SPON1: variants seen among roughly 807,000 people sequenced by gnomAD.
The protein encoded by SPON1 is spondin 1.
A neutral mutation model predicts 111.7 loss-of-function variants in SPON1; 52 were observed. That is an observed-to-expected ratio of 0.47 (90% CI 0.37 to 0.59). SPON1 has a LOEUF of 0.59. Among genes scored for constraint, SPON1 ranks in the 20% least tolerant of loss-of-function variants. The probability of loss-of-function intolerance (pLI) is 0.00; values close to 1 mark genes in which losing one functional copy is unlikely to be tolerated. For missense variants in SPON1, 957 were observed against 1,068.5 expected (o/e 0.90, Z 1.46); for synonymous variants, 410 against 395.8 (o/e 1.04, Z -0.43).
At chr11:14,117,566 G>A (rs1255459907) in intron 5 of SPON1, among the ~76,000 whole-genome samples, 1 of 152,032 alleles carries the variant, frequency 6.6e-6, no homozygotes, top group African/African-American at 2.4e-5. Flanking sequence ...TAATTTACTG[G>A]ATATAGAGTT....
chr11:14,260,862 G>A lies in SPON1; in HGVS notation c.1996+110G>A, dbSNP rs185863624. 4.2e-3 allele frequency: 5,372 copies of A among 1,277,284 alleles called. 29 individuals carry two copies. Among genetic ancestry groups the A allele is most frequent in the Middle Eastern group, 0.021 (99 of 4,610 alleles). The allele number at this position is 1,277,284 out of a possible 1,614,324, so 79.1% of individuals were successfully genotyped here. On this transcript the variant is annotated intron_variant, in intron 14 of 15. Transcript: ENST00000576479. ...GATCCTAGAATAACATGGTTTGCTG[G>A]GGAAGAGTTTGGGGTTTGGCTTTCA...
At chr11:14,118,149 T>C (rs1849280031) in intron 5 of SPON1, among the ~76,000 whole-genome samples, 1 of 152,232 alleles carries the variant, frequency 6.6e-6, no homozygotes, top group Non-Finnish European at 1.5e-5. Flanking sequence ...CGAAGTTGTT[T>C]ACTGCTCCTG....
chr11:14,172,968 G>T (rs1320141200), intron 6 of SPON1, among the ~76,000 whole-genome samples: 1 of 151,752 alleles, frequency 6.6e-6, no homozygotes, highest in Non-Finnish European at 1.5e-5. Context: ...ACAATTATGT[G>T]TCTTGGAGTT....
Position 14,227,333 on chromosome 11 carries a change from C to T in SPON1, c.826-15999C>T, listed in dbSNP as rs117459287. On this transcript the variant is annotated intron_variant, in intron 6 of 15. Coordinates refer to ENST00000576479, the MANE Select transcript of SPON1 (RefSeq NM_006108.4). ...GCTTTATTTCATTTATTAAGTGGTC[C>T]CTAAATGTAAGATTCCCTGAATTTA... 9.2e-3 allele frequency among the ~76,000 whole-genome samples: 1,404 copies of T among 152,270 alleles called. 7 individuals are homozygous for T. The highest frequency in any genetic ancestry group is 0.027 in the Middle Eastern group (8 of 294).
intron 6 of SPON1, among the ~76,000 whole-genome samples, chr11:14,190,722 C>A (rs1446126398): frequency 6.6e-6 from 1 of 151,046 alleles, no homozygotes; most frequent in African/African-American, 2.4e-5. Flanking sequence ...CTCACTGCAA[C>A]CTCCACCTCC....
chr11:14,231,182 T>G (rs7951630), intron 6 of SPON1, among the ~76,000 whole-genome samples: 124,774 of 150,646 alleles, frequency 0.83, 51,780 homozygotes, highest in East Asian at 0.9. Flanking sequence ...CACCCAGGCT[T>G]GAGAGCAGTG....
chr11:14,161,662 CA>C, intron 6 of SPON1, among the ~76,000 whole-genome samples: 1 of 151,870 alleles, frequency 6.6e-6, no homozygotes, highest in Non-Finnish European at 1.5e-5. Flanking sequence ...TTATCAAACA[CA>C]AAGCCTATTT....
At chr11:14,141,849 T>C (rs1847660324) in intron 6 of SPON1, among the ~76,000 whole-genome samples, 1 of 152,232 alleles carries the variant, frequency 6.6e-6, no homozygotes, top group Admixed American at 6.5e-5. Context: ...CTATGATTCA[T>C]GACATGCTGC....
At chr11:13,963,952 G>A (rs1472317667) in intron 1 of SPON1, among the ~76,000 whole-genome samples, 5 of 152,178 alleles carry the variant, frequency 3.3e-5, no homozygotes, top group Admixed American at 6.5e-5. Flanking sequence ...CCGGCAGCTC[G>A]GAGTCTCCAC....
At chr11:14,149,004 A>T (rs1554929636) in intron 6 of SPON1, among the ~76,000 whole-genome samples, 1 of 152,210 alleles carries the variant, frequency 6.6e-6, no homozygotes, top group Non-Finnish European at 1.5e-5. Flanking sequence ...ATTATAATGG[A>T]GCTAAAAATT....
Position 14,259,873 on chromosome 11 carries a change from C to CA in SPON1, c.1831+174dup, listed in dbSNP as rs1318972916. 6.6e-6 allele frequency among the ~76,000 whole-genome samples: 1 copy of CA among 152,208 alleles called. No homozygotes were observed. Among genetic ancestry groups the CA allele is most frequent in the Non-Finnish European group, 1.5e-5 (1 of 68,024 alleles). On this transcript the variant is annotated intron_variant, in intron 13 of 15. Coordinates refer to ENST00000576479, the MANE Select transcript of SPON1 (RefSeq NM_006108.4). This position sits in a 1 kb window ranked among gnomAD's most constrained non-coding sequence, Gnocchi z 5.0. The stretch of plus-strand genomic sequence containing the variant: ...ATGAGAGACATAGGTGTGTAGACAT[C>CA]AACCAGACCCAGAGAGAGTAACCTC...
At chr11:14,130,524 T>C (rs1847516696) in intron 5 of SPON1, among the ~76,000 whole-genome samples, 1 of 152,108 alleles carries the variant, frequency 6.6e-6, no homozygotes, top group East Asian at 1.9e-4. Flanking sequence ...AGTTAAATCT[T>C]TTGAAATTGA....
chr11:14,193,808 A>G (rs1391604864), intron 6 of SPON1, among the ~76,000 whole-genome samples: 1 of 152,210 alleles, frequency 6.6e-6, no homozygotes, highest in African/African-American at 2.4e-5. Flanking sequence ...AGGAGGGCTC[A>G]TGGCAGGGCC....
At chr11:14,263,055 A>T (rs1446073883) in intron 15 of SPON1, 80 bp downstream of exon 15, 51 of 262,584 alleles carry the variant, frequency 1.9e-4, no homozygotes, top group South Asian at 6.8e-4. Flanking sequence ...GACCTGTTTA[A>T]AAAAAAAAAA....
intron 5 of SPON1, among the ~76,000 whole-genome samples, chr11:14,122,172 T>A (rs10832185): frequency 0.78 from 118,278 of 151,902 alleles, 46,857 homozygotes; most frequent in African/African-American, 0.93. Context: ...AAATATTTTT[T>A]TTTATTTATT....
Position 14,257,746 on chromosome 11 carries a change from A to G in SPON1, c.1340A>G (p.Asn447Ser), listed in dbSNP as rs370876505. The G allele has an allele frequency of 7.4e-6, 12 of 1,613,062 alleles. No individual in the cohort carries two copies. The African/African-American group carries it at 9.3e-5, about 13-fold the overall frequency. Residue 447 changes from asparagine (N) to serine (S), a missense_variant, in exon 11 of 16, where the codon AAC (asparagine) becomes AGC (serine). Physicochemically the swap from Asn to Ser is conservative, Grantham distance 46. Coordinates refer to ENST00000576479, the MANE Select transcript of SPON1 (RefSeq NM_006108.4). ...ACCCCTGAAACCTGCATCTACTCCA[A>G]CTGGTCCCCATGGTCCGCCTGCAGC... ...DDTPETCIYS[N>S]WSPWSACSSS...
intron 6 of SPON1, among the ~76,000 whole-genome samples, chr11:14,160,262 T>G (rs1312552177): frequency 2.1e-5 from 3 of 143,574 alleles, no homozygotes; most frequent in Non-Finnish European, 4.5e-5. Flanking sequence ...CTCAGGATGT[T>G]TTATCAGTTA....
intron 2 of SPON1, among the ~76,000 whole-genome samples, chr11:13,992,886 A>C (rs1302310569): frequency 6.6e-6 from 1 of 151,730 alleles, no homozygotes; most frequent in African/African-American, 2.4e-5. Context: ...GGCTGCACCC[A>C]CTGTCCAACC....
At chr11:14,094,249 A>T (rs1313819791) in intron 5 of SPON1, among the ~76,000 whole-genome samples, 2 of 151,440 alleles carry the variant, frequency 1.3e-5, no homozygotes, top group African/African-American at 4.8e-5. Context: ...TTGGTACTTA[A>T]AGTCTTCCTC....
Sources: allele counts gnomAD v4.1 joint callset (sites outside exome capture counted in the v4.1 genomes callset), GRCh38; gene constraint gnomAD v4.1.1; non-coding constraint Gnocchi (gnomAD v3.1); transcripts MANE v1.5; gene names NCBI Gene and HGNC (gene_info 2026-07-23, HGNC 2026-07-21).